CBFA2T3: variants seen among roughly 807,000 people sequenced by gnomAD.
The protein encoded by CBFA2T3 is transcriptional corepressor CBFA2T3.
Under a neutral mutation model 58.6 loss-of-function variants are expected in CBFA2T3, and 31 were observed. The observed-to-expected ratio is 0.53, with a 90% CI of 0.40 to 0.71. The LOEUF (loss-of-function observed/expected upper bound fraction) is 0.71. CBFA2T3 is among the 30% of genes least tolerant of loss of function. CBFA2T3 has a pLI of 0.00. For missense variants in CBFA2T3, 1,076 were observed against 963.1 expected, an observed-to-expected ratio of 1.12 and a Z score of -1.55; for synonymous variants, 531 against 421.9, an observed-to-expected ratio of 1.26 and a Z score of -3.17.
At position 88,875,477 on chromosome 16, in the gene CBFA2T3, T is replaced by G. The variant is rs1255346895; in HGVS notation, c.*1499A>C. The G allele has an allele frequency of 4.3e-6, 1 of 233,422 alleles. No homozygotes were observed. Among genetic ancestry groups the G allele is most frequent in the Non-Finnish European group, 8.5e-6 (1 of 118,226 alleles). 14.5% of individuals were successfully genotyped at this position (233,422 alleles called of 1,614,324 possible). ...CTATGTACACGGTCAGGGTCTTCCCTGGGGAGGAGGCAGAGGGCTGCTTTT... is the reference window on the plus strand; with the variant it reads ...CTATGTACACGGTCAGGGTCTTCCCGGGGGAGGAGGCAGAGGGCTGCTTTT... On this transcript the variant is annotated 3_prime_UTR_variant, in exon 12 of 12. Transcript: ENST00000268679.
chr16:88,891,961 A>C lies in CBFA2T3; in HGVS notation c.632T>G (p.Leu211Trp). Residue 211 changes from leucine to tryptophan, a missense_variant, in exon 5 of 12, where the codon TTG (leucine) becomes TGG (tryptophan). By Grantham distance (61) the Leu-to-Trp change is moderately conservative (BLOSUM62 -2). Transcript: ENST00000268679. Reference sequence around the variant, plus strand: ...CTTGGAATGAAACTCCTCGATCGTCAATGTCGAGTTCTGCAGGGGAGAAAA... The same window carrying C: ...CTTGGAATGAAACTCCTCGATCGTCCATGTCGAGTTCTGCAGGGGAGAAAA... ...TLVLGLVNST[L>W]TIEEFHSKLQ... The C allele has an allele frequency of 2.5e-6, 4 of 1,612,924 alleles. No individual in the cohort carries two copies. The highest frequency in any genetic ancestry group is 3.4e-6 in the Non-Finnish European group (4 of 1,179,550).
intron 1 of CBFA2T3, among the ~76,000 whole-genome samples, chr16:88,971,578 G>A (rs994939515): frequency 2.6e-5 from 4 of 152,236 alleles, no homozygotes; most frequent in South Asian, 2.1e-4. Context: ...CGTCCTGGGG[G>A]TGGACTTGGG....
rs554072173 is a variant in CBFA2T3, at chr16:88,898,226, G to A, written c.305-74C>T. ...AGACTCTGCCCTCAGGGGCGCCCGC[G>A]GCCACCTTTTCCTACTTCTCAGAGT... On this transcript the variant is annotated intron_variant, in intron 2 of 11. Coordinates refer to ENST00000268679, the MANE Select transcript of CBFA2T3 (RefSeq NM_005187.6). 2.6e-3 allele frequency: 3,059 copies of A among 1,167,392 alleles called. 8 individuals are homozygous for A. The highest frequency in any genetic ancestry group is 3.8e-3 in the Middle Eastern group (15 of 3,942). 72.3% of individuals were successfully genotyped at this position (1,167,392 alleles called of 1,614,324 possible).
intron 1 of CBFA2T3, among the ~76,000 whole-genome samples, chr16:88,929,768 G>GCAAAA (rs1971220181): frequency 7.1e-6 from 1 of 139,920 alleles, no homozygotes; most frequent in Non-Finnish European, 1.5e-5. Flanking sequence ...ACAGCTGCAT[G>GCAAAA]GTCCACGCAA....
chr16:88,947,143 C>T (rs1971923749), intron 1 of CBFA2T3, among the ~76,000 whole-genome samples: 1 of 152,230 alleles, frequency 6.6e-6, no homozygotes, highest in South Asian at 2.1e-4. Flanking sequence ...GAATGTATCA[C>T]ACCAGTGCCA....
intron 2 of CBFA2T3, among the ~76,000 whole-genome samples, chr16:88,901,008 G>A (rs999182038): frequency 6.6e-6 from 1 of 152,252 alleles, no homozygotes; most frequent in Non-Finnish European, 1.5e-5. Context: ...CCTGAGATCT[G>A]AGCCCCTCCA....
chr16:88,963,090 C>A (rs150957526), intron 1 of CBFA2T3, among the ~76,000 whole-genome samples: 62 of 152,282 alleles, frequency 4.1e-4, no homozygotes, highest in African/African-American at 1.4e-3. Flanking sequence ...GTAGCTGGGC[C>A]TGGCAGGATG....
intron 1 of CBFA2T3, among the ~76,000 whole-genome samples, chr16:88,912,640 G>A (rs571886411): frequency 3.9e-5 from 6 of 152,266 alleles, no homozygotes; most frequent in South Asian, 2.1e-4. Context: ...GTTTACGCCC[G>A]TCTCCCCCAG....
intron 1 of CBFA2T3, among the ~76,000 whole-genome samples, chr16:88,923,151 G>A (rs561499825): frequency 6.6e-6 from 1 of 152,344 alleles, no homozygotes; most frequent in South Asian, 2.1e-4. Flanking sequence ...GTGCTGAGAT[G>A]GCACAGCAGG....
At chr16:88,884,964 G>A (rs1173285912) in intron 7 of CBFA2T3, 82 bp downstream of exon 7, 3 of 1,071,270 alleles carry the variant, frequency 2.8e-6, no homozygotes, top group South Asian at 3.1e-5. Flanking sequence ...GGTGCCCTGT[G>A]CCCACATGCT....
Position 88,977,176 on chromosome 16 carries a change from C to G in CBFA2T3, c.-369G>C, listed in dbSNP as rs1188104245. On this transcript the variant is annotated 5_prime_UTR_variant, in exon 1 of 12. Transcript: ENST00000268679. ...GACAGGAACCATCTGGGGCCCTGCC[C>G]TGCGCGGCCTTCCCTCGGGCCATTC... The G allele has an allele frequency of 7.2e-6, 2 of 278,240 alleles. No homozygotes were observed. The highest frequency in any genetic ancestry group is 1.4e-5 in the Non-Finnish European group (2 of 145,590). The allele number at this position is 278,240 out of a possible 1,614,324, so 17.2% of individuals were successfully genotyped here. A position where few individuals can be genotyped will look rare whatever the true frequency, so the allele number is the denominator to read the frequency against.
At chr16:88,926,618 C>G (rs1482681980) in intron 1 of CBFA2T3, among the ~76,000 whole-genome samples, 1 of 152,218 alleles carries the variant, frequency 6.6e-6, no homozygotes, top group Non-Finnish European at 1.5e-5. Flanking sequence ...GTGAGCGCTG[C>G]CCCCACTGCA....
At chr16:88,956,794 G>A (rs1972230601) in intron 1 of CBFA2T3, among the ~76,000 whole-genome samples, 1 of 152,334 alleles carries the variant, frequency 6.6e-6, no homozygotes, top group East Asian at 1.9e-4. Context: ...TTTGGAACTG[G>A]ACCGCATGGC....
At chr16:88,919,576 G>C (rs1308147122) in intron 1 of CBFA2T3, among the ~76,000 whole-genome samples, 1 of 152,166 alleles carries the variant, frequency 6.6e-6, no homozygotes, top group African/African-American at 2.4e-5. Flanking sequence ...TGATCACAAG[G>C]GCAAAACCCA....
intron 1 of CBFA2T3, among the ~76,000 whole-genome samples, chr16:88,964,411 C>T (rs1263032047): frequency 6.6e-6 from 1 of 152,234 alleles, no homozygotes; most frequent in Admixed American, 6.5e-5. Flanking sequence ...TTTTAATTTA[C>T]TGCTGGTGAG....
chr16:88,976,994 G>T lies in CBFA2T3; in HGVS notation c.-187C>A. 1 of 609,362 alleles carries T rather than the reference G, an allele frequency of 1.6e-6. No individual in the cohort carries two copies. The highest frequency in any genetic ancestry group is 2.7e-6 in the Non-Finnish European group (1 of 364,880). 37.7% of individuals were successfully genotyped at this position (609,362 alleles called of 1,614,324 possible). A position where few individuals can be genotyped will look rare whatever the true frequency, so the allele number is the denominator to read the frequency against. On this transcript the variant is annotated 5_prime_UTR_variant, in exon 1 of 12. Coordinates refer to ENST00000268679, the MANE Select transcript of CBFA2T3 (RefSeq NM_005187.6). Reference sequence around the variant, plus strand: ...CCACCAACTGGGTGTCCTCTGCCCTGGGGAGGGGGTGGGAGCCCTGGGGCT... The same window carrying T: ...CCACCAACTGGGTGTCCTCTGCCCTTGGGAGGGGGTGGGAGCCCTGGGGCT...
chr16:88,885,614 G>A lies in CBFA2T3; in HGVS notation c.894-345C>T. The A allele has an allele frequency of 2.4e-6, 1 of 418,166 alleles. No homozygotes were observed. Among genetic ancestry groups the A allele is most frequent in the Non-Finnish European group, 4.3e-6 (1 of 232,322 alleles). The allele number at this position is 418,166 out of a possible 1,614,324, so 25.9% of individuals were successfully genotyped here. A position where few individuals can be genotyped will look rare whatever the true frequency, so the allele number is the denominator to read the frequency against. ...TGCCCCTTGGGCAGCAGCAGCACAA[G>A]AGCGTCTGGGGCAGCAGAGGGGGCC... On this transcript the variant is annotated intron_variant, in intron 6 of 11. Coordinates refer to ENST00000268679, the MANE Select transcript of CBFA2T3 (RefSeq NM_005187.6). The surrounding 1 kb of genome is among the most constrained non-coding windows in gnomAD (Gnocchi z 5.3).
intron 1 of CBFA2T3, chr16:88,939,831 C>A (rs571862820): frequency 6.6e-6 from 1 of 152,394 alleles, no homozygotes; most frequent in South Asian, 2.1e-4. Flanking sequence ...CGCTCAGGCC[C>A]AGCCCTCGCC....
At chr16:88,960,188 G>A (rs1189570249) in intron 1 of CBFA2T3, among the ~76,000 whole-genome samples, 1 of 152,174 alleles carries the variant, frequency 6.6e-6, no homozygotes, top group African/African-American at 2.4e-5. Context: ...CCCACGAGAT[G>A]TGAGTGGTAT....
Sources: allele counts gnomAD v4.1 joint callset (sites outside exome capture counted in the v4.1 genomes callset), GRCh38; gene constraint gnomAD v4.1.1; non-coding constraint Gnocchi (gnomAD v3.1); transcripts MANE v1.5; gene names NCBI Gene and HGNC (gene_info 2026-07-23, HGNC 2026-07-21).